The following LRRCC1 variants were observed in gnomAD, a reference collection of about 807,000 sequenced individuals.
LRRCC1 encodes leucine-rich repeat and coiled-coil domain-containing protein 1.
In LRRCC1, 115 loss-of-function variants were observed where a neutral mutation model predicts 126.0. The observed-to-expected ratio is 0.91, with a 90% CI of 0.78 to 1.07. LRRCC1 has a LOEUF of 1.07. LRRCC1 is among the 50% of genes least tolerant of loss of function. The pLI, the probability that LRRCC1 is intolerant of heterozygous loss-of-function variation, is 0.00. For missense variants in LRRCC1, 1,172 were observed against 1,175.7 expected (o/e 1.00, Z 0.05); for synonymous variants, 400 against 393.4 (o/e 1.02, Z -0.20).
chr8:85,140,072 A>G (rs1811159936), intron 17 of LRRCC1, among the ~76,000 whole-genome samples: 1 of 152,206 alleles, frequency 6.6e-6, no homozygotes, highest in Non-Finnish European at 1.5e-5. Flanking sequence ...AGAAAGTCAT[A>G]TTCTATAATT....
At position 85,126,692 on chromosome 8, in the gene LRRCC1, C is replaced by A; in HGVS notation, c.1276C>A (p.Leu426Ile). ...SHSEDNTYQS[L>I]VEQLDQEREK... ...TAACTTTGTTGTTTTCTTTCAGTCC[C>A]TTGTTGAACAGCTAGACCAAGAGAG... The change falls in exon 9 of 19, where the codon CTT (leucine) becomes ATT (isoleucine). Residue 426 changes from leucine (L) to isoleucine (I), a missense_variant. Transcript: ENST00000360375. 6.2e-7 allele frequency: 1 copy of A among 1,608,866 alleles called. No homozygotes were observed. The highest frequency in any genetic ancestry group is 1.7e-5 in the Admixed American group (1 of 58,832).
Position 85,145,446 on chromosome 8 carries a change from A to G in LRRCC1, c.3034A>G (p.Lys1012Glu). 1 of 1,583,412 alleles carries G rather than the reference A, an allele frequency of 6.3e-7. No homozygotes were observed. ...ELLEETCKNK[K>E]TMEAKIKQLA... ...TTTGGAAGAAACATGCAAGAACAAA[A>G]AAACAATGGAAGCAAAAATTAAGCA... is the stretch of plus-strand genomic sequence containing the variant. The change falls in exon 19 of 19, where the codon AAA becomes GAA. Residue 1012 changes from lysine (K) to glutamate (E), a missense_variant. By Grantham distance (56) the Lys-to-Glu change is moderately conservative (BLOSUM62 1). Coordinates refer to ENST00000360375, the MANE Select transcript of LRRCC1 (RefSeq NM_033402.5).
Position 85,145,524 on chromosome 8 carries a change from T to G in LRRCC1, c.*13T>G. 6.4e-7 allele frequency: 1 copy of G among 1,567,648 alleles called. No homozygotes were observed. The highest frequency in any genetic ancestry group is 8.6e-7 in the Non-Finnish European group (1 of 1,164,310). On this transcript the variant is annotated 3_prime_UTR_variant, in exon 19 of 19. Coordinates refer to ENST00000360375, the MANE Select transcript of LRRCC1 (RefSeq NM_033402.5). ...GCAAGATATGTGATGGTTCTGAGAATGAATTTAATTGAAATAGACCAGCAG... is the reference window on the plus strand; with the variant it reads ...GCAAGATATGTGATGGTTCTGAGAAGGAATTTAATTGAAATAGACCAGCAG...
intron 17 of LRRCC1, among the ~76,000 whole-genome samples, chr8:85,140,645 A>G (rs1224506070): frequency 1.3e-5 from 2 of 152,244 alleles, no homozygotes; most frequent in South Asian, 2.1e-4. Context: ...AAGCATTACC[A>G]TAAGGAAGTC....
intron 6 of LRRCC1, among the ~76,000 whole-genome samples, chr8:85,122,880 G>A (rs934892182): frequency 1.3e-5 from 2 of 152,102 alleles, no homozygotes; most frequent in Non-Finnish European, 2.9e-5. Context: ...ATTTAACTTG[G>A]TTTGACTCAG....
chr8:85,110,207 T>A, intron 3 of LRRCC1, 27 bp downstream of exon 3: 1 of 1,001,262 alleles, frequency 1.0e-6, no homozygotes. Flanking sequence ...ATGTTTTCTG[T>A]ATGCTAAATG....
chr8:85,132,743 A>C (rs372065067), intron 12 of LRRCC1, among the ~76,000 whole-genome samples: 8 of 152,244 alleles, frequency 5.3e-5, no homozygotes, highest in East Asian at 1.9e-4. Flanking sequence ...GTATAGCCTA[A>C]CAGTTTACTG....
chr8:85,138,506 C>A (rs1321809381), intron 17 of LRRCC1, 31 bp downstream of exon 17: 13 of 1,591,124 alleles, frequency 8.2e-6, no homozygotes, highest in African/African-American at 5.4e-5. Context: ...GATTTGAGAT[C>A]TCCTTAATCG....
chr8:85,144,392 T>C (rs1811473963), intron 18 of LRRCC1, among the ~76,000 whole-genome samples: 1 of 146,420 alleles, frequency 6.8e-6, no homozygotes, highest in Admixed American at 6.9e-5. Flanking sequence ...AGCTCTAAAA[T>C]AGAGTTAAAA....
intron 1 of LRRCC1, among the ~76,000 whole-genome samples, chr8:85,108,261 G>C (rs1475118612): frequency 6.6e-6 from 1 of 152,220 alleles, no homozygotes; most frequent in Non-Finnish European, 1.5e-5. Flanking sequence ...ATCCCAAGAA[G>C]ATGCTGTTCA....
intron 6 of LRRCC1, among the ~76,000 whole-genome samples, chr8:85,121,057 G>A (rs1320154695): frequency 1.3e-5 from 2 of 152,184 alleles, no homozygotes; most frequent in African/African-American, 4.8e-5. Context: ...TTCAGCAGCA[G>A]TATATGAAGG....
At position 85,115,514 on chromosome 8, in the gene LRRCC1, A is replaced by T. The variant is rs750426460; in HGVS notation, c.860A>T (p.His287Leu). The stretch of plus-strand genomic sequence containing the variant: ...TCTTCTGAGCCAGAGAAAAATAATC[A>T]TGAAAACGATTTGCAGAATGAGATA... ...CQSSEPEKNN[H>L]ENDLQNEIKL... The change falls in exon 6 of 19, where the codon CAT (histidine) becomes CTT (leucine). Residue 287 changes from histidine to leucine, a missense_variant. His to Leu is a moderately conservative substitution (Grantham distance 99). Transcript: ENST00000360375. 4 of 1,613,738 alleles carry T rather than the reference A, an allele frequency of 2.5e-6. No homozygotes were observed. Among genetic ancestry groups the T allele is most frequent in the East Asian group, 2.2e-5 (1 of 44,844 alleles).
At chr8:85,142,664 C>A (rs1170399901) in intron 18 of LRRCC1, among the ~76,000 whole-genome samples, 2 of 151,486 alleles carry the variant, frequency 1.3e-5, no homozygotes, top group African/African-American at 2.4e-5. Flanking sequence ...ACCCCATCTC[C>A]ACTAAAAATA....
At chr8:85,144,631 A>AC (rs1320942378) in intron 18 of LRRCC1, among the ~76,000 whole-genome samples, 1 of 147,098 alleles carries the variant, frequency 6.8e-6, no homozygotes. Context: ...CACCTGGCTA[A>AC]TTTTGTATTT....
chr8:85,117,114 G>A (rs1448398468), intron 6 of LRRCC1, among the ~76,000 whole-genome samples: 1 of 152,108 alleles, frequency 6.6e-6, no homozygotes, highest in African/African-American at 2.4e-5. Context: ...GTTTCTCATA[G>A]GCTGATCTCA....
chr8:85,115,632 A>G (rs1445174268), intron 6 of LRRCC1, 48 bp downstream of exon 6: 1 of 1,292,904 alleles, frequency 7.7e-7, no homozygotes, highest in Non-Finnish European at 1.1e-6. Flanking sequence ...TGAAGAAAAC[A>G]TAGTTAAGAA....
At chr8:85,110,642 A>G (rs776629005) in intron 3 of LRRCC1, among the ~76,000 whole-genome samples, 12 of 152,252 alleles carry the variant, frequency 7.9e-5, no homozygotes, top group Non-Finnish European at 1.6e-4. Context: ...TTTGAAAATA[A>G]AAAGCCGCAT....
chr8:85,141,320 C>A, intron 17 of LRRCC1, 62 bp from the exon 18 acceptor site: 1 of 1,370,120 alleles, frequency 7.3e-7, no homozygotes, highest in Non-Finnish European at 1.0e-6. Flanking sequence ...GAAATAACAT[C>A]CTAATCTTTA....
At chr8:85,130,086 T>C (rs892623640) in intron 11 of LRRCC1, 28 bp downstream of exon 11, 5 of 1,505,864 alleles carry the variant, frequency 3.3e-6, no homozygotes, top group Admixed American at 5.0e-5. Flanking sequence ...CAGGAATGTA[T>C]TGGCATTTAA....
Sources: allele counts gnomAD v4.1 joint callset (sites outside exome capture counted in the v4.1 genomes callset), GRCh38; gene constraint gnomAD v4.1.1; transcripts MANE v1.5; gene names NCBI Gene and HGNC (gene_info 2026-07-23, HGNC 2026-07-21).